ZFHX3: variants seen among roughly 807,000 people sequenced by gnomAD.
ZFHX3 encodes zinc finger homeobox 3, also known as zinc finger homeobox protein 3.
In ZFHX3, 42 loss-of-function variants were observed where a neutral mutation model predicts 279.1. The observed-to-expected ratio is 0.15, with a 90% confidence interval of 0.12 to 0.19. The LOEUF (loss-of-function observed/expected upper bound fraction) is 0.19. Among genes scored for constraint, ZFHX3 ranks in the 10% least tolerant of loss-of-function variants. The pLI, the probability that ZFHX3 is intolerant of heterozygous loss-of-function variation, is 1.00. For synonymous variants in ZFHX3, 2,293 were observed against 1,957.8 expected (o/e 1.17, Z -4.52); for missense variants, 4,981 against 4,754.0 (o/e 1.05, Z -1.40).
chr16:73,472,717 G>A (rs188324365), intron 2 of ZFHX3, among the ~76,000 whole-genome samples: 113 of 152,306 alleles, frequency 7.4e-4, no homozygotes, highest in African/African-American at 2.6e-3. Flanking sequence ...GGAGGTCAGC[G>A]ATCAGGGGAT....
intron 1 of ZFHX3, among the ~76,000 whole-genome samples, chr16:73,808,982 A>G (rs1325758276): frequency 6.6e-6 from 1 of 152,210 alleles, no homozygotes; most frequent in Non-Finnish European, 1.5e-5. Flanking sequence ...CCAGTGCCGG[A>G]TAGATTTTAT....
At chr16:73,718,529 A>G (rs2053439131) in intron 1 of ZFHX3, among the ~76,000 whole-genome samples, 1 of 152,210 alleles carries the variant, frequency 6.6e-6, no homozygotes, top group African/African-American at 2.4e-5. Flanking sequence ...AGCTGAGGGT[A>G]GGAGACCTGG....
chr16:73,611,953 C>T (rs2052251180), intron 2 of ZFHX3, among the ~76,000 whole-genome samples: 1 of 152,134 alleles, frequency 6.6e-6, no homozygotes, highest in Admixed American at 6.5e-5. Flanking sequence ...CTTTTGAAAC[C>T]ATCTTTGGGC....
chr16:73,554,909 T>C (rs1020780326), intron 2 of ZFHX3: 7 of 152,210 alleles, frequency 4.6e-5, no homozygotes, highest in African/African-American at 1.7e-4. Flanking sequence ...AGTGTCTCTG[T>C]ACCTGGAAAT....
chr16:73,391,821 A>G (rs1405576525), intron 3 of ZFHX3, among the ~76,000 whole-genome samples: 3 of 152,132 alleles, frequency 2.0e-5, no homozygotes. Context: ...TGCCCAATAT[A>G]TCTGGATACA....
intron 2 of ZFHX3, among the ~76,000 whole-genome samples, chr16:73,544,664 G>A (rs1305206770): frequency 6.6e-6 from 1 of 152,170 alleles, no homozygotes; most frequent in Non-Finnish European, 1.5e-5. Flanking sequence ...GCCATAAAGA[G>A]ACCAAAGATG....
chr16:73,666,977 C>T (rs1297217045), intron 2 of ZFHX3, among the ~76,000 whole-genome samples: 1 of 151,848 alleles, frequency 6.6e-6, no homozygotes, highest in Non-Finnish European at 1.5e-5. Flanking sequence ...TTCCATTGTA[C>T]AGATATACAA....
intron 5 of ZFHX3, among the ~76,000 whole-genome samples, chr16:73,217,771 C>T (rs2012267363): frequency 6.6e-6 from 1 of 151,966 alleles, no homozygotes; most frequent in African/African-American, 2.4e-5. Context: ...TTTTTCTACC[C>T]AAGGCACAAA....
chr16:73,562,109 A>G (rs1413438580), intron 2 of ZFHX3, among the ~76,000 whole-genome samples: 2 of 152,220 alleles, frequency 1.3e-5, no homozygotes, highest in African/African-American at 4.8e-5. Context: ...AGTCTAGTCA[A>G]TGTATCTGCT....
chr16:73,526,181 G>C (rs1406061238), intron 2 of ZFHX3, among the ~76,000 whole-genome samples: 1 of 152,228 alleles, frequency 6.6e-6, no homozygotes, highest in Admixed American at 6.5e-5. Context: ...TGTCAGCAAT[G>C]ACCATAAGCA....
intron 3 of ZFHX3, among the ~76,000 whole-genome samples, chr16:72,948,813 C>A (rs1215682572): frequency 6.6e-6 from 1 of 152,188 alleles, no homozygotes; most frequent in Non-Finnish European, 1.5e-5. Flanking sequence ...CTTTTTTCCA[C>A]TGGTTTTTCC....
chr16:73,240,364 A>T (rs2013084550), intron 5 of ZFHX3, among the ~76,000 whole-genome samples: 1 of 151,944 alleles, frequency 6.6e-6, no homozygotes, highest in African/African-American at 2.4e-5. Flanking sequence ...GATTACAGGC[A>T]CATGCCACCA....
chr16:73,868,416 CG>C (rs1409190973), intron 1 of ZFHX3, among the ~76,000 whole-genome samples: 1 of 152,198 alleles, frequency 6.6e-6, no homozygotes, highest in Non-Finnish European at 1.5e-5. Context: ...CCCAGCTACT[CG>C]GGAGGCCGAG....
At chr16:73,376,412 T>C (rs2016724255) in intron 3 of ZFHX3, among the ~76,000 whole-genome samples, 1 of 152,200 alleles carries the variant, frequency 6.6e-6, no homozygotes, top group Admixed American at 6.5e-5. Context: ...ACTCAGCTCG[T>C]CCGTAGAATT....
At chr16:72,802,547 C>T (rs896958238) in intron 7 of ZFHX3, among the ~76,000 whole-genome samples, 1 of 151,972 alleles carries the variant, frequency 6.6e-6, no homozygotes, top group Non-Finnish European at 1.5e-5. Context: ...TGTACCCAAC[C>T]TCTCCCTGAA....
Position 72,795,507 on chromosome 16 carries a change from C to T in ZFHX3, c.7175G>A (p.Ser2392Asn). ...ATTATTGGCTGATGGTGCTGGGGCG[C>T]TGTAAGCCTGTGAGGGCATCGGGGT... is the stretch of plus-strand genomic sequence containing the variant. ...CSTPMPSQAY[S>N]APAPSANNTA... The change falls in exon 9 of 10, where the codon AGC (serine) becomes AAC (asparagine). Residue 2392 changes from serine to asparagine, a missense_variant. This residue lies in a region of ZFHX3 where 744 missense variants were observed against 701.3 expected (regional missense o/e 1.06). Coordinates refer to ENST00000268489, the MANE Select transcript of ZFHX3 (RefSeq NM_006885.4). 1.2e-6 allele frequency: 2 copies of T among 1,614,152 alleles called. No homozygotes were observed. The highest frequency in any genetic ancestry group is 1.7e-6 in the Non-Finnish European group (2 of 1,180,024).
intron 3 of ZFHX3, among the ~76,000 whole-genome samples, chr16:73,429,933 G>A (rs1234584188): frequency 6.6e-6 from 1 of 152,140 alleles, no homozygotes; most frequent in African/African-American, 2.4e-5. Flanking sequence ...TGTCGCCCAG[G>A]CTGGAGCGCA....
intron 2 of ZFHX3, among the ~76,000 whole-genome samples, chr16:73,505,798 G>A (rs1427500494): frequency 6.6e-6 from 1 of 152,214 alleles, no homozygotes; most frequent in East Asian, 1.9e-4. Flanking sequence ...CTGTTCCCAG[G>A]AAAAACTTGA....
intron 2 of ZFHX3, among the ~76,000 whole-genome samples, chr16:73,562,343 C>T (rs2020382556): frequency 1.3e-5 from 2 of 152,240 alleles, no homozygotes; most frequent in Non-Finnish European, 2.9e-5. Context: ...CACCTGTAAT[C>T]CCAGCACTTT....
Sources: gnomAD v4.1 joint callset for allele counts (sites outside exome capture counted in the v4.1 genomes callset) on GRCh38, gnomAD v4.1.1 for gene constraint, gnomAD v4.1.1 regional missense constraint, MANE v1.5 for transcripts, NCBI Gene and HGNC (gene_info 2026-07-23, HGNC 2026-07-21) for gene names.